Variants in CTXND2 observed in about 807,000 individuals in gnomAD.
CTXND2 encodes the protein cortexin domain containing 2.
chr1:150,900,471 A>T (rs1269566698), intron 1 of CTXND2, among the ~76,000 whole-genome samples: 2 of 152,226 alleles, frequency 1.3e-5, no homozygotes, highest in African/African-American at 4.8e-5. Context: ...TCTTGAAGTC[A>T]GTGAGACCAA....
chr1:150,903,854 T>A, intron 1 of CTXND2: 1 of 531,354 alleles, frequency 1.9e-6, no homozygotes. Context: ...GGCTTCAGAG[T>A]GGTAACCTAC....
Position 150,898,767 on chromosome 1 carries a change from A to G in CTXND2, c.-74+11454A>G, listed in dbSNP as rs587621487. Among the ~76,000 whole-genome samples, 23 of 146,192 alleles carry G rather than the reference A, an allele frequency of 1.6e-4. No individual in the cohort carries two copies. In the East Asian group the frequency reaches 3.5e-3, roughly 22 times the overall value. On this transcript the variant is annotated intron_variant, in intron 1 of 1. Coordinates refer to ENST00000636087, the Ensembl canonical transcript of CTXND2. ...AAGATTCTGACTCAAAAAAAAAAAAAAAAGAAAGAAAGAAAGGCAGGGCGG... is the reference window on the plus strand; with the variant it reads ...AAGATTCTGACTCAAAAAAAAAAAAGAAAGAAAGAAAGAAAGGCAGGGCGG...
intron 1 of CTXND2, among the ~76,000 whole-genome samples, chr1:150,905,568 G>C (rs780764221): frequency 2.0e-5 from 3 of 152,138 alleles, no homozygotes; most frequent in Non-Finnish European, 4.4e-5. Context: ...CTTATTGAAG[G>C]CACAATACTA....
chr1:150,903,241 G>A (rs1669074996), intron 1 of CTXND2, among the ~76,000 whole-genome samples: 1 of 152,002 alleles, frequency 6.6e-6, no homozygotes, highest in Non-Finnish European at 1.5e-5. Context: ...GTTAAGTGAT[G>A]GGGCTTTTTC....
intron 1 of CTXND2, among the ~76,000 whole-genome samples, chr1:150,900,939 A>C (rs771035930): frequency 3.7e-4 from 56 of 152,138 alleles, no homozygotes; most frequent in South Asian, 1.5e-3. Flanking sequence ...AAATGGTGAG[A>C]TCTTGTCTCT....
intron 1 of CTXND2, among the ~76,000 whole-genome samples, chr1:150,902,300 G>A (rs1408043633): frequency 2.6e-5 from 4 of 151,996 alleles, no homozygotes; most frequent in East Asian, 1.9e-4. Flanking sequence ...CCAGCTACTC[G>A]GGAGGCTGAA....
At position 150,908,430 on chromosome 1, in the gene CTXND2, A is replaced by G. The variant is rs587684106; in HGVS notation, c.-73-3812A>G. On this transcript the variant is annotated intron_variant, in intron 1 of 1. Coordinates refer to ENST00000636087, the Ensembl canonical transcript of CTXND2. Reference sequence around the variant, plus strand: ...TACTTTCTACCTTTGTCAACACTTAATCTGACTTGATTCTAGTCATCCTAG... The same window carrying G: ...TACTTTCTACCTTTGTCAACACTTAGTCTGACTTGATTCTAGTCATCCTAG... Among the ~76,000 whole-genome samples, 65 of 152,278 alleles carry G rather than the reference A, an allele frequency of 4.3e-4. 1 individual carries two copies. In the South Asian group the frequency reaches 0.013, roughly 31 times the overall value.
intron 1 of CTXND2, among the ~76,000 whole-genome samples, chr1:150,908,749 A>C (rs1313488868): frequency 6.6e-6 from 1 of 151,638 alleles, no homozygotes; most frequent in East Asian, 2.0e-4. Flanking sequence ...CAGCCTCTCC[A>C]GTAGCTAGGA....
intron 1 of CTXND2, among the ~76,000 whole-genome samples, chr1:150,896,421 C>G (rs1668914803): frequency 6.6e-6 from 1 of 152,188 alleles, no homozygotes; most frequent in African/African-American, 2.4e-5. Context: ...AGCATCCTAC[C>G]TGATACCTTT....
intron 1 of CTXND2, among the ~76,000 whole-genome samples, chr1:150,907,329 C>T (rs1311361843): frequency 6.6e-6 from 1 of 152,142 alleles, no homozygotes; most frequent in Non-Finnish European, 1.5e-5. Context: ...AACTTTCACC[C>T]CCTCATCCCC....
At chr1:150,900,309 G>A (rs749860240) in intron 1 of CTXND2, among the ~76,000 whole-genome samples, 5 of 151,926 alleles carry the variant, frequency 3.3e-5, no homozygotes, top group South Asian at 4.2e-4. Flanking sequence ...CACTCACTGC[G>A]AAGGTCTGCG....
At chr1:150,900,120 G>A (rs1478016829) in intron 1 of CTXND2, among the ~76,000 whole-genome samples, 1 of 152,128 alleles carries the variant, frequency 6.6e-6, no homozygotes, top group Non-Finnish European at 1.5e-5. Context: ...CCGTGTGGAG[G>A]CTGTATTCTT....
At chr1:150,890,867 C>T (rs1668841796) in intron 1 of CTXND2, among the ~76,000 whole-genome samples, 2 of 152,168 alleles carry the variant, frequency 1.3e-5, no homozygotes, top group African/African-American at 4.8e-5. Context: ...AATTAAGCAT[C>T]ATTTTCCAGA....
intron 1 of CTXND2, among the ~76,000 whole-genome samples, chr1:150,902,168 G>A (rs1018438315): frequency 2.6e-5 from 4 of 151,980 alleles, no homozygotes; most frequent in Non-Finnish European, 5.9e-5. Flanking sequence ...TTGGGGGGCA[G>A]AGGCGGGCAG....
At chr1:150,911,228 G>A (rs1157390413) in intron 1 of CTXND2, among the ~76,000 whole-genome samples, 1 of 151,122 alleles carries the variant, frequency 6.6e-6, no homozygotes, top group Admixed American at 6.6e-5. Flanking sequence ...GATTACAGGC[G>A]TGAGCCACCG....
At chr1:150,905,143 CTTTTT>C (rs587675090) in intron 1 of CTXND2, among the ~76,000 whole-genome samples, 1 of 114,720 alleles carries the variant, frequency 8.7e-6, no homozygotes. Context: ...TCTGCCAATT[CTTTTT>C]TTTTTTTTTT....
chr1:150,901,270 A>G (rs1669024616), intron 1 of CTXND2, among the ~76,000 whole-genome samples: 1 of 152,334 alleles, frequency 6.6e-6, no homozygotes, highest in East Asian at 1.9e-4. Context: ...GGAAAGATAC[A>G]CCATGTTCAC....
At chr1:150,898,999 G>A (rs1452755589) in intron 1 of CTXND2, among the ~76,000 whole-genome samples, 9 of 150,726 alleles carry the variant, frequency 6.0e-5, no homozygotes, top group Non-Finnish European at 1.2e-4. Context: ...TTGGGGGGCT[G>A]AGGCAGGAGA....
At chr1:150,913,190 C>A (rs1309374081) in exon 2 of CTXND2, 3 of 152,096 alleles carry the variant, frequency 2.0e-5, no homozygotes, top group Non-Finnish European at 4.4e-5. Flanking sequence ...TCCAATGACT[C>A]CCCTAGAGAT....
Sources: allele counts gnomAD v4.1 joint callset (sites outside exome capture counted in the v4.1 genomes callset), GRCh38; gene constraint gnomAD v4.1.1; transcripts MANE v1.5; gene names NCBI Gene and HGNC (gene_info 2026-07-23, HGNC 2026-07-21).